MACROH2A2: variants seen among roughly 807,000 people sequenced by gnomAD.
The protein encoded by MACROH2A2 is core histone macro-H2A.2.
Under a neutral mutation model 37.6 loss-of-function variants are expected in MACROH2A2, and 6 were observed. The observed-to-expected ratio is 0.16, with a 90% CI of 0.09 to 0.32. The LOEUF (loss-of-function observed/expected upper bound fraction) is 0.32, where lower values mean the gene tolerates loss of function less well. MACROH2A2 is among the 10% of genes least tolerant of loss of function. The probability of loss-of-function intolerance (pLI) is 1.00; values close to 1 mark genes in which losing one functional copy is unlikely to be tolerated. For synonymous variants in MACROH2A2, 192 were observed against 202.7 expected, an observed-to-expected ratio of 0.95 and a Z score of 0.45; for missense variants, 290 against 485.9, an observed-to-expected ratio of 0.60 and a Z score of 3.79.
intron 1 of MACROH2A2, among the ~76,000 whole-genome samples, chr10:70,056,266 T>A (rs1419371729): frequency 1.3e-5 from 2 of 152,294 alleles, no homozygotes; most frequent in East Asian, 3.9e-4. Flanking sequence ...TGTTTTGTTT[T>A]GTTGAGATGG....
intron 2 of MACROH2A2, among the ~76,000 whole-genome samples, chr10:70,089,784 G>T: frequency 6.6e-6 from 1 of 151,208 alleles, no homozygotes; most frequent in Non-Finnish European, 1.5e-5. Context: ...TTAGAGACAG[G>T]GTCTCACTCT....
At chr10:70,087,913 A>G (rs1230109400) in intron 2 of MACROH2A2, among the ~76,000 whole-genome samples, 1 of 152,222 alleles carries the variant, frequency 6.6e-6, no homozygotes, top group Non-Finnish European at 1.5e-5. Flanking sequence ...TTTTTTGTTA[A>G]TCACATGTGC....
intron 1 of MACROH2A2, among the ~76,000 whole-genome samples, chr10:70,059,936 A>G (rs1433107166): frequency 1.3e-5 from 2 of 152,154 alleles, no homozygotes; most frequent in Middle Eastern, 3.2e-3. Flanking sequence ...AGCAGCTGAT[A>G]CAATGTGCCG....
At chr10:70,066,710 T>C (rs990038405) in intron 1 of MACROH2A2, among the ~76,000 whole-genome samples, 1 of 152,212 alleles carries the variant, frequency 6.6e-6, no homozygotes, top group Non-Finnish European at 1.5e-5. Context: ...TGAATTTGCC[T>C]ACATGCTAAA....
chr10:70,078,858 G>C (rs1255721854), intron 2 of MACROH2A2, among the ~76,000 whole-genome samples: 1 of 143,706 alleles, frequency 7.0e-6, no homozygotes. Context: ...CTGTTTTTTG[G>C]TTTGTTTGTT....
At chr10:70,065,664 TGAAGAAAAAATA>T (rs889550840) in intron 1 of MACROH2A2, among the ~76,000 whole-genome samples, 3 of 151,638 alleles carry the variant, frequency 2.0e-5, no homozygotes, top group Non-Finnish European at 4.4e-5. Context: ...AGATAAAGAC[TGAAGAAAAAATA>T]GAAGAAAAAA....
chr10:70,100,379 A>G (rs2136640386), intron 7 of MACROH2A2, 82 bp downstream of exon 7: 2 of 730,084 alleles, frequency 2.7e-6, no homozygotes, highest in East Asian at 2.7e-5. Context: ...CCTCATGCCT[A>G]TTCAGCTTAT....
intron 3 of MACROH2A2, 81 bp from the exon 4 acceptor site, chr10:70,091,673 CAAA>C (rs571416539): frequency 0.015 from 10,008 of 678,800 alleles, no homozygotes; most frequent in Non-Finnish European, 0.016. Flanking sequence ...GATTCTGTAT[CAAA>C]AAAAAAAAAA....
intron 1 of MACROH2A2, among the ~76,000 whole-genome samples, chr10:70,067,015 C>T (rs1024379874): frequency 9.9e-5 from 15 of 152,120 alleles, no homozygotes; most frequent in African/African-American, 3.6e-4. Context: ...TGCAAGAAGG[C>T]CATGATGTGC....
intron 2 of MACROH2A2, among the ~76,000 whole-genome samples, chr10:70,082,353 G>A (rs192094123): frequency 3.3e-5 from 5 of 152,092 alleles, no homozygotes; most frequent in African/African-American, 1.2e-4. Context: ...GGGAGGCGGA[G>A]GTTGCGGTGA....
intron 2 of MACROH2A2, among the ~76,000 whole-genome samples, chr10:70,083,655 C>A (rs1484937401): frequency 1.3e-5 from 2 of 151,756 alleles, no homozygotes; most frequent in Non-Finnish European, 2.9e-5. Context: ...TCACCTGATT[C>A]TATGGACTGA....
intron 1 of MACROH2A2, among the ~76,000 whole-genome samples, chr10:70,054,043 C>G (rs1445680678): frequency 6.6e-6 from 1 of 152,140 alleles, no homozygotes; most frequent in Non-Finnish European, 1.5e-5. Context: ...CCTCCCCCGC[C>G]TTTCCTTGGG....
intron 8 of MACROH2A2, among the ~76,000 whole-genome samples, chr10:70,111,098 G>A (rs1290697656): frequency 3.3e-5 from 5 of 151,834 alleles, no homozygotes; most frequent in East Asian, 1.9e-4. Flanking sequence ...GTGAAACCCC[G>A]TCTCTACTAA....
At chr10:70,099,821 G>T (rs1372971236) in intron 6 of MACROH2A2, among the ~76,000 whole-genome samples, 2 of 152,178 alleles carry the variant, frequency 1.3e-5, no homozygotes, top group Admixed American at 1.3e-4. Context: ...ACTCAAGCAC[G>T]TACAGTACGT....
chr10:70,073,036 G>A (rs1010258484), intron 1 of MACROH2A2, among the ~76,000 whole-genome samples: 26 of 152,142 alleles, frequency 1.7e-4, no homozygotes, highest in African/African-American at 6.0e-4. Flanking sequence ...CAGGACCACC[G>A]TCATATGCGG....
At chr10:70,088,106 C>A (rs2072221862) in intron 2 of MACROH2A2, among the ~76,000 whole-genome samples, 1 of 152,044 alleles carries the variant, frequency 6.6e-6, no homozygotes, top group South Asian at 2.1e-4. Flanking sequence ...CAGCACATAC[C>A]CACATGCACA....
intron 7 of MACROH2A2, among the ~76,000 whole-genome samples, chr10:70,108,223 A>C (rs904590222): frequency 4.6e-5 from 7 of 152,120 alleles, no homozygotes; most frequent in African/African-American, 1.4e-4. Flanking sequence ...AAAACTAAAA[A>C]TAAAAAAATA....
chr10:70,098,429 AG>A (rs1177922138), intron 6 of MACROH2A2: 5 of 152,004 alleles, frequency 3.3e-5, no homozygotes, highest in African/African-American at 1.2e-4. Flanking sequence ...AAGGAAAGAA[AG>A]AAAATTTGTT....
At chr10:70,110,394 A>G (rs895315005) in intron 8 of MACROH2A2, among the ~76,000 whole-genome samples, 9 of 152,206 alleles carry the variant, frequency 5.9e-5, no homozygotes, top group Non-Finnish European at 1.2e-4. Flanking sequence ...ATGAAATATT[A>G]AGTGCATAAA....
Sources: gnomAD v4.1 joint callset for allele counts (sites outside exome capture counted in the v4.1 genomes callset) on GRCh38, gnomAD v4.1.1 for gene constraint, MANE v1.5 for transcripts, NCBI Gene and HGNC (gene_info 2026-07-23, HGNC 2026-07-21) for gene names.